TBC1D4: variants seen among roughly 807,000 people sequenced by gnomAD.
TBC1D4 encodes the protein TBC1 domain family member 4, also known as TBC (Tre-2, BUB2, CDC16) domain-containing protein.
In TBC1D4, 121 loss-of-function variants were observed where a neutral mutation model predicts 142.5. The ratio of observed to expected loss-of-function variants is 0.85; its 90% CI spans 0.73 to 0.99. The LOEUF is 0.99. Among genes scored for constraint, TBC1D4 ranks in the 50% least tolerant of loss-of-function variants. The probability of loss-of-function intolerance (pLI) is 0.00; values close to 1 mark genes in which losing one functional copy is unlikely to be tolerated. For missense variants in TBC1D4, 1,475 were observed against 1,606.6 expected (o/e 0.92, Z 1.40); for synonymous variants, 630 against 628.2 (o/e 1.00, Z -0.04).
chr13:75,386,587 A>G (rs2138280188), intron 1 of TBC1D4, among the ~76,000 whole-genome samples: 2 of 152,024 alleles, frequency 1.3e-5, no homozygotes, highest in African/African-American at 4.8e-5. Context: ...ACAGGGTTTC[A>G]CCACATTAGC....
At chr13:75,471,186 TC>T (rs1888386291) in intron 1 of TBC1D4, among the ~76,000 whole-genome samples, 1 of 151,912 alleles carries the variant, frequency 6.6e-6, no homozygotes, top group Admixed American at 6.6e-5. Flanking sequence ...CAACCTAACT[TC>T]CAGTAGAAGA....
Position 75,324,305 on chromosome 13 carries a change from G to A in TBC1D4, c.2130C>T (p.Ala710=). ...GGTAAAAGCTTTTCAGGAAAGAGGGGGCAGTGAAGGAAGGGGCAGAGAAGG... is the reference window on the plus strand; with the variant it reads ...GGTAAAAGCTTTTCAGGAAAGAGGGAGCAGTGAAGGAAGGGGCAGAGAAGG... ...HTSFSAPSFT[A]PSFLKSFYQN... is the part of the protein sequence containing the mutation. Residue 710 remains alanine (A), a synonymous_variant, in exon 11 of 21, where the codon GCC becomes GCT. Transcript: ENST00000377636. 4.3e-6 allele frequency: 7 copies of A among 1,613,942 alleles called. No individual in the cohort carries two copies. Among genetic ancestry groups the A allele is most frequent in the Non-Finnish European group, 5.1e-6 (6 of 1,179,872 alleles).
chr13:75,393,116 TACAC>T (rs34205789), intron 1 of TBC1D4, among the ~76,000 whole-genome samples: 2,018 of 141,398 alleles, frequency 0.014, 20 homozygotes, highest in African/African-American at 0.021. Flanking sequence ...TAAATTAAAA[TACAC>T]ACACACACAC....
intron 1 of TBC1D4, among the ~76,000 whole-genome samples, chr13:75,388,428 A>T (rs1278148014): frequency 2.0e-5 from 3 of 152,208 alleles, no homozygotes; most frequent in South Asian, 2.1e-4. Flanking sequence ...TTATATTTTT[A>T]AAAATGTGTT....
intron 1 of TBC1D4, among the ~76,000 whole-genome samples, chr13:75,389,489 T>C (rs1308370206): frequency 6.6e-6 from 1 of 152,236 alleles, no homozygotes; most frequent in African/African-American, 2.4e-5. Flanking sequence ...GCACTGTAAG[T>C]AGAAACAGAA....
At chr13:75,449,262 G>GTATA (rs1459486151) in intron 1 of TBC1D4, among the ~76,000 whole-genome samples, 5 of 151,342 alleles carry the variant, frequency 3.3e-5, no homozygotes, top group Non-Finnish European at 5.9e-5. Context: ...GTATATATAT[G>GTATA]TATACACACA....
chr13:75,478,765 T>G (rs1462589269), intron 1 of TBC1D4, among the ~76,000 whole-genome samples: 1 of 152,194 alleles, frequency 6.6e-6, no homozygotes, highest in Non-Finnish European at 1.5e-5. Flanking sequence ...TGGTCCCAGC[T>G]TCCCCTACTA....
intron 1 of TBC1D4, among the ~76,000 whole-genome samples, chr13:75,399,080 G>A (rs773836748): frequency 1.3e-5 from 2 of 152,184 alleles, no homozygotes; most frequent in Non-Finnish European, 2.9e-5. Flanking sequence ...GGTGGCTCAC[G>A]CCTGTAATCC....
chr13:75,403,310 C>T (rs964242246), intron 1 of TBC1D4, among the ~76,000 whole-genome samples: 1 of 152,096 alleles, frequency 6.6e-6, no homozygotes, highest in African/African-American at 2.4e-5. Flanking sequence ...GTTCTAGTTT[C>T]GCAGCTAGCA....
chr13:75,328,664 G>A (rs545253479), intron 8 of TBC1D4, among the ~76,000 whole-genome samples: 67 of 152,230 alleles, frequency 4.4e-4, no homozygotes, highest in African/African-American at 1.5e-3. Context: ...AGCATGTGGC[G>A]AAGTTCTAAA....
chr13:75,450,282 C>A (rs543701178), intron 1 of TBC1D4, among the ~76,000 whole-genome samples: 7 of 152,172 alleles, frequency 4.6e-5, no homozygotes, highest in African/African-American at 1.7e-4. Context: ...TCAGAATTTC[C>A]GTTTTCCTCC....
At chr13:75,463,510 T>C (rs1408375675) in intron 1 of TBC1D4, among the ~76,000 whole-genome samples, 2 of 151,984 alleles carry the variant, frequency 1.3e-5, no homozygotes, top group Non-Finnish European at 2.9e-5. Context: ...CCCAAGAATC[T>C]AGTAGACATG....
intron 1 of TBC1D4, among the ~76,000 whole-genome samples, chr13:75,468,142 A>G (rs1888245241): frequency 6.6e-6 from 1 of 152,212 alleles, no homozygotes; most frequent in Non-Finnish European, 1.5e-5. Flanking sequence ...GAACAAAGGA[A>G]CAACTAAGAA....
intron 5 of TBC1D4, among the ~76,000 whole-genome samples, chr13:75,342,451 C>T (rs187532589): frequency 6.6e-6 from 1 of 152,022 alleles, no homozygotes; most frequent in African/African-American, 2.4e-5. Context: ...GAGATCTCTT[C>T]CCCGATGCAG....
chr13:75,363,534 C>G (rs925699488), intron 1 of TBC1D4, among the ~76,000 whole-genome samples: 10 of 152,176 alleles, frequency 6.6e-5, no homozygotes, highest in African/African-American at 2.4e-4. Context: ...CCTAAAAACT[C>G]CCTCCCTGCT....
chr13:75,403,582 A>G (rs1334512397), intron 1 of TBC1D4, among the ~76,000 whole-genome samples: 1 of 152,234 alleles, frequency 6.6e-6, no homozygotes, highest in Non-Finnish European at 1.5e-5. Flanking sequence ...AAATACAAAG[A>G]AAATGAGCTA....
chr13:75,343,033 C>T (rs769593862), intron 5 of TBC1D4, among the ~76,000 whole-genome samples: 12 of 152,074 alleles, frequency 7.9e-5, no homozygotes, highest in Non-Finnish European at 1.6e-4. Context: ...GCCGAAAATA[C>T]TTATAATTTG....
intron 1 of TBC1D4, among the ~76,000 whole-genome samples, chr13:75,470,440 C>G (rs953750022): frequency 6.6e-6 from 1 of 152,266 alleles, no homozygotes; most frequent in Non-Finnish European, 1.5e-5. Flanking sequence ...AGATACCACC[C>G]TAGACTTACT....
At position 75,400,588 on chromosome 13, in the gene TBC1D4, G is replaced by A. The variant is rs570137573; in HGVS notation, c.499-37981C>T. Among the ~76,000 whole-genome samples the A allele has an allele frequency of 1.3e-4, 20 of 149,556 alleles. 1 individual carries two copies. The South Asian group carries it at 3.8e-3, about 29-fold the overall frequency. On this transcript the variant is annotated intron_variant, in intron 1 of 20. Coordinates refer to ENST00000377636, the MANE Select transcript of TBC1D4 (RefSeq NM_014832.5). ...TTCTCCTGCCTCAGCCTCCCAAGTA[G>A]CTGGGACTACAGGCGCCCACCACCA...
Sources: allele counts gnomAD v4.1 joint callset (sites outside exome capture counted in the v4.1 genomes callset), GRCh38; gene constraint gnomAD v4.1.1; transcripts MANE v1.5; gene names NCBI Gene and HGNC (gene_info 2026-07-23, HGNC 2026-07-21).